The following ACER3 variants were observed in gnomAD, a reference collection of about 807,000 sequenced individuals.
ACER3 encodes the protein alkCDase 3.
ACER3 carries 16 observed loss-of-function variants against 48.9 expected under a neutral mutation model. That is an observed-to-expected ratio of 0.33 (90% confidence interval 0.22 to 0.50). The LOEUF (loss-of-function observed/expected upper bound fraction) is 0.50. Among genes scored for constraint, ACER3 ranks in the 20% least tolerant of loss-of-function variants. ACER3 has a pLI of 0.98. For missense variants in ACER3, 227 were observed against 326.0 expected, an observed-to-expected ratio of 0.70 and a Z score of 2.34; for synonymous variants, 109 against 107.8, an observed-to-expected ratio of 1.01 and a Z score of -0.07.
chr11:76,943,243 T>A (rs1281553818), intron 2 of ACER3, among the ~76,000 whole-genome samples: 1 of 152,064 alleles, frequency 6.6e-6, no homozygotes, highest in African/African-American at 2.4e-5. Context: ...TTCCTTGAGG[T>A]GTGACATGAA....
At chr11:76,913,782 T>TA (rs1259936685) in intron 1 of ACER3, among the ~76,000 whole-genome samples, 3 of 152,200 alleles carry the variant, frequency 2.0e-5, no homozygotes, top group Non-Finnish European at 4.4e-5. Context: ...GGCATCACGC[T>TA]ACCTGACTTC....
At chr11:76,887,699 A>G (rs1312552097) in intron 1 of ACER3, among the ~76,000 whole-genome samples, 1 of 151,974 alleles carries the variant, frequency 6.6e-6, no homozygotes, top group African/African-American at 2.4e-5. Context: ...ATGAGTTTTT[A>G]TGATGCCCAC....
intron 1 of ACER3, among the ~76,000 whole-genome samples, chr11:76,865,168 A>C (rs1346167594): frequency 7.8e-6 from 1 of 128,768 alleles, no homozygotes; most frequent in Admixed American, 8.1e-5. Flanking sequence ...GATTTTTAGT[A>C]GAGACAGGGT....
chr11:76,974,478 A>AT (rs1472069474), intron 3 of ACER3, among the ~76,000 whole-genome samples: 1 of 152,236 alleles, frequency 6.6e-6, no homozygotes, highest in Non-Finnish European at 1.5e-5. Context: ...AGTGTGTACC[A>AT]TTAACTTCAA....
intron 2 of ACER3, among the ~76,000 whole-genome samples, chr11:76,936,055 CA>C (rs1378843706): frequency 6.6e-6 from 1 of 152,122 alleles, no homozygotes; most frequent in African/African-American, 2.4e-5. Context: ...AAGACATACC[CA>C]AGACTAGGAA....
chr11:76,945,776 G>A (rs1264606399), intron 2 of ACER3, among the ~76,000 whole-genome samples: 2 of 152,164 alleles, frequency 1.3e-5, no homozygotes, highest in Non-Finnish European at 2.9e-5. Context: ...GGTGTGATAT[G>A]GGTAATGGCA....
chr11:76,906,909 A>G (rs1180422917), intron 1 of ACER3, among the ~76,000 whole-genome samples: 2 of 152,278 alleles, frequency 1.3e-5, no homozygotes, highest in East Asian at 3.9e-4. Context: ...TAAAAGCTTG[A>G]TAGAGACATA....
At chr11:76,972,759 C>G (rs1948338177) in intron 3 of ACER3, among the ~76,000 whole-genome samples, 1 of 152,034 alleles carries the variant, frequency 6.6e-6, no homozygotes, top group South Asian at 2.1e-4. Flanking sequence ...CTTCCTGAAG[C>G]AGGGGCACGA....
chr11:76,875,732 GTTTTT>G (rs71040037), intron 1 of ACER3, among the ~76,000 whole-genome samples: 25 of 67,070 alleles, frequency 3.7e-4, no homozygotes, highest in African/African-American at 1.4e-3. Flanking sequence ...AGTTTTTGTT[GTTTTT>G]TTTTTTTTTT....
At chr11:76,961,161 A>G (rs1407575970) in intron 3 of ACER3, among the ~76,000 whole-genome samples, 1 of 152,178 alleles carries the variant, frequency 6.6e-6, no homozygotes, top group Non-Finnish European at 1.5e-5. Context: ...AAATAAATAA[A>G]TACATTAAGG....
intron 3 of ACER3, among the ~76,000 whole-genome samples, chr11:76,967,098 A>T (rs1490759649): frequency 6.6e-6 from 1 of 152,196 alleles, no homozygotes; most frequent in African/African-American, 2.4e-5. Flanking sequence ...AGAATCAAAT[A>T]GACACAATCA....
intron 6 of ACER3, among the ~76,000 whole-genome samples, chr11:76,991,230 G>A (rs1948794964): frequency 6.6e-6 from 1 of 152,064 alleles, no homozygotes; most frequent in Admixed American, 6.5e-5. Context: ...TTATTAAGGG[G>A]GAGAGCCAGG....
intron 1 of ACER3, among the ~76,000 whole-genome samples, chr11:76,869,043 G>A (rs2134514041): frequency 6.6e-6 from 1 of 152,300 alleles, no homozygotes; most frequent in Non-Finnish European, 1.5e-5. Flanking sequence ...TAATAAACCT[G>A]TTTACCTGGG....
chr11:76,936,171 T>C (rs532272717), intron 2 of ACER3, among the ~76,000 whole-genome samples: 55 of 152,304 alleles, frequency 3.6e-4, no homozygotes, highest in African/African-American at 1.3e-3. Flanking sequence ...ACATGGATGG[T>C]GGCAGGCAAA....
At chr11:76,873,173 T>C (rs988712456) in intron 1 of ACER3, among the ~76,000 whole-genome samples, 1 of 151,996 alleles carries the variant, frequency 6.6e-6, no homozygotes, top group African/African-American at 2.4e-5. Flanking sequence ...TCCCAAAGTG[T>C]TGGGATTACG....
intron 9 of ACER3, among the ~76,000 whole-genome samples, chr11:77,017,656 G>T (rs1473722489): frequency 6.6e-6 from 1 of 152,090 alleles, no homozygotes; most frequent in African/African-American, 2.4e-5. Flanking sequence ...AAGGCCACAG[G>T]TAGCCAGATC....
chr11:76,973,762 T>C (rs1448018776), intron 3 of ACER3, among the ~76,000 whole-genome samples: 1 of 152,250 alleles, frequency 6.6e-6, no homozygotes, highest in African/African-American at 2.4e-5. Flanking sequence ...TGTTTTTTTT[T>C]CTTTGGTTGC....
intron 1 of ACER3, among the ~76,000 whole-genome samples, chr11:76,895,409 A>G (rs1285598670): frequency 6.6e-6 from 1 of 152,142 alleles, no homozygotes; most frequent in Non-Finnish European, 1.5e-5. Context: ...AAGACTTTGT[A>G]TTTTTGTTTA....
chr11:76,978,363 G>A (rs1948497887), intron 4 of ACER3: 1 of 152,228 alleles, frequency 6.6e-6, no homozygotes, highest in Admixed American at 6.5e-5. Flanking sequence ...AAAAACCCCA[G>A]ACCCAGCCAG....
Sources: gnomAD v4.1 joint callset for allele counts (sites outside exome capture counted in the v4.1 genomes callset) on GRCh38, gnomAD v4.1.1 for gene constraint, MANE v1.5 for transcripts, NCBI Gene and HGNC (gene_info 2026-07-23, HGNC 2026-07-21) for gene names.